The following ENOX1 variants were observed in gnomAD, a reference collection of about 807,000 sequenced individuals.
The protein encoded by ENOX1 is candidate growth-related and time keeping constitutive hydroquinone (NADH) oxidase.
In ENOX1, 42 loss-of-function variants were observed where a neutral mutation model predicts 82.5. The ratio of observed to expected loss-of-function variants is 0.51; its 90% CI spans 0.40 to 0.66. The LOEUF is 0.66. ENOX1 is among the 30% of genes least tolerant of loss of function. The pLI is 0.00. For missense variants in ENOX1, 608 were observed against 811.6 expected, an observed-to-expected ratio of 0.75 and a Z score of 3.05; for synonymous variants, 271 against 282.2, an observed-to-expected ratio of 0.96 and a Z score of 0.40.
intron 1 of ENOX1, among the ~76,000 whole-genome samples, chr13:43,679,642 T>C (rs572196467): frequency 6.6e-6 from 1 of 152,316 alleles, no homozygotes; most frequent in South Asian, 2.1e-4. Flanking sequence ...ATCTTTAAGA[T>C]AAGACAATTG....
chr13:43,555,257 A>T (rs2079382385), intron 2 of ENOX1, among the ~76,000 whole-genome samples: 1 of 152,244 alleles, frequency 6.6e-6, no homozygotes, highest in South Asian at 2.1e-4. Context: ...AATCACACAA[A>T]GACAACTAGC....
chr13:43,781,741 C>A (rs1337148159), intron 1 of ENOX1, among the ~76,000 whole-genome samples: 2 of 152,142 alleles, frequency 1.3e-5, no homozygotes, highest in Non-Finnish European at 2.9e-5. Context: ...GAACTCCCGA[C>A]ATCAGGTGAA....
At chr13:43,451,633 T>TA in intron 3 of ENOX1, among the ~76,000 whole-genome samples, 1 of 152,282 alleles carries the variant, frequency 6.6e-6, no homozygotes, top group South Asian at 2.1e-4. Flanking sequence ...GTGTTTTTAT[T>TA]AAAAAAGATA....
At chr13:43,681,472 T>C (rs886659929) in intron 1 of ENOX1, among the ~76,000 whole-genome samples, 3 of 152,124 alleles carry the variant, frequency 2.0e-5, no homozygotes, top group Non-Finnish European at 4.4e-5. Context: ...GATATTTAAA[T>C]TTTTCTCTTG....
chr13:43,416,700 A>G (rs9533482), intron 3 of ENOX1, among the ~76,000 whole-genome samples: 115,179 of 144,718 alleles, frequency 0.8, 47,170 homozygotes, highest in South Asian at 0.95. Context: ...GGTGGCGGCC[A>G]GGCAGAGGCG....
chr13:43,346,479 T>A (rs2049386536), intron 8 of ENOX1, among the ~76,000 whole-genome samples: 1 of 152,216 alleles, frequency 6.6e-6, no homozygotes. Flanking sequence ...AAACACCCTG[T>A]GAATGACAGA....
In ENOX1 at chr13:43,412,952, T is replaced by C. The variant is rs752027169; in HGVS notation, c.-38A>G. On this transcript the variant is annotated 5_prime_UTR_variant, in exon 4 of 17. Coordinates refer to ENST00000690772, the MANE Select transcript of ENOX1 (RefSeq NM_001347969.2). ...GTCCAGAGGGGCAGGAACACTTTGA[T>C]GGCTGAGTGCAGGGTCCCCTCGGAG... 10 of 1,612,984 alleles carry C rather than the reference T, an allele frequency of 6.2e-6. No individual in the cohort carries two copies. The highest frequency in any genetic ancestry group is 1.1e-5 in the South Asian group (1 of 90,894).
At chr13:43,701,969 C>T (rs535638922) in intron 1 of ENOX1, among the ~76,000 whole-genome samples, 75 of 152,258 alleles carry the variant, frequency 4.9e-4, no homozygotes, top group African/African-American at 1.8e-3. Flanking sequence ...ATTCTTCTAA[C>T]CCCACCAGGG....
chr13:43,283,616 A>AT (rs111677774), intron 12 of ENOX1, among the ~76,000 whole-genome samples: 8,122 of 143,998 alleles, frequency 0.056, 317 homozygotes, highest in East Asian at 0.13. Flanking sequence ...TAGCTAATTA[A>AT]TTTTTTTTTT....
chr13:43,375,417 T>C (rs936678759), intron 5 of ENOX1, among the ~76,000 whole-genome samples: 3 of 152,228 alleles, frequency 2.0e-5, no homozygotes, highest in Non-Finnish European at 4.4e-5. Context: ...CATACTGCCC[T>C]AGGTCCTTCT....
intron 5 of ENOX1, among the ~76,000 whole-genome samples, chr13:43,380,268 A>G (rs2051944956): frequency 6.6e-6 from 1 of 151,794 alleles, no homozygotes; most frequent in Non-Finnish European, 1.5e-5. Context: ...AATAGAAAAA[A>G]AAAATTTTTA....
intron 14 of ENOX1, among the ~76,000 whole-genome samples, chr13:43,256,315 A>C (rs1403348243): frequency 6.6e-6 from 1 of 152,200 alleles, no homozygotes; most frequent in African/African-American, 2.4e-5. Flanking sequence ...AATTACATCA[A>C]GCTAAAAAGT....
chr13:43,227,495 C>T (rs568176491), intron 15 of ENOX1, among the ~76,000 whole-genome samples: 49 of 152,310 alleles, frequency 3.2e-4, no homozygotes, highest in Non-Finnish European at 3.8e-4. Context: ...AACATTTCTA[C>T]AAGTAGTAAC....
intron 2 of ENOX1, among the ~76,000 whole-genome samples, chr13:43,631,338 G>A (rs1202479730): frequency 6.6e-6 from 1 of 152,174 alleles, no homozygotes; most frequent in Non-Finnish European, 1.5e-5. Context: ...CCTCAGCACT[G>A]AAAAGAGATT....
chr13:43,662,975 G>A (rs1017240669), intron 2 of ENOX1, among the ~76,000 whole-genome samples: 1 of 152,174 alleles, frequency 6.6e-6, no homozygotes, highest in Non-Finnish European at 1.5e-5. Context: ...ATTTCAGTGA[G>A]GTCTTAAAGG....
intron 2 of ENOX1, among the ~76,000 whole-genome samples, chr13:43,551,808 C>T (rs1593777215): frequency 6.6e-6 from 1 of 152,214 alleles, no homozygotes; most frequent in South Asian, 2.1e-4. Flanking sequence ...ATTGTGTCCA[C>T]ACACCACCTC....
intron 2 of ENOX1, among the ~76,000 whole-genome samples, chr13:43,597,855 A>G (rs1207251783): frequency 6.6e-6 from 1 of 152,166 alleles, no homozygotes; most frequent in Non-Finnish European, 1.5e-5. Flanking sequence ...TTCCTCAAAC[A>G]TATCTGGCCT....
chr13:43,769,742 A>C (rs1373329480), intron 1 of ENOX1, among the ~76,000 whole-genome samples: 4 of 152,164 alleles, frequency 2.6e-5, no homozygotes, highest in African/African-American at 9.7e-5. Context: ...GAAACACTTA[A>C]AAACCACAGG....
At chr13:43,612,630 G>T (rs1420007981) in intron 2 of ENOX1, among the ~76,000 whole-genome samples, 1 of 152,142 alleles carries the variant, frequency 6.6e-6, no homozygotes, top group Non-Finnish European at 1.5e-5. Flanking sequence ...ATGTAAACTT[G>T]AAAATTAATG....
Sources: gnomAD v4.1 joint callset for allele counts (sites outside exome capture counted in the v4.1 genomes callset) on GRCh38, gnomAD v4.1.1 for gene constraint, MANE v1.5 for transcripts, NCBI Gene and HGNC (gene_info 2026-07-23, HGNC 2026-07-21) for gene names.